POLN: variants seen among roughly 807,000 people sequenced by gnomAD.
POLN encodes DNA polymerase nu.
A neutral mutation model predicts 113.5 loss-of-function variants in POLN; 108 were observed. The ratio of observed to expected loss-of-function variants is 0.95; its 90% CI spans 0.81 to 1.12. The LOEUF is 1.12. Ranked by LOEUF, POLN falls within the 50% of genes most tolerant of loss-of-function variation. POLN has a pLI of 0.00. For missense variants in POLN, 1,097 were observed against 1,077.1 expected (o/e 1.02, Z -0.26); for synonymous variants, 386 against 391.5 (o/e 0.99, Z 0.17).
intron 19 of POLN, among the ~76,000 whole-genome samples, chr4:2,117,661 G>A (rs889701966): frequency 6.6e-6 from 1 of 152,182 alleles, no homozygotes; most frequent in African/African-American, 2.4e-5. Flanking sequence ...AGCAGTCACC[G>A]GCCCATGGCA....
At chr4:2,232,162 T>A in intron 2 of POLN, 1 of 1,364,340 alleles carries the variant, frequency 7.3e-7, no homozygotes, top group Non-Finnish European at 1.0e-6. Context: ...TGTTAACTCC[T>A]AAAAAAGGAA....
At chr4:2,152,252 G>A (rs1732314692) in intron 16 of POLN, among the ~76,000 whole-genome samples, 1 of 151,350 alleles carries the variant, frequency 6.6e-6, no homozygotes, top group East Asian at 1.9e-4. Context: ...TGTCCAGCCT[G>A]GTCTCGAACT....
At chr4:2,081,105 C>A (rs201334698) in intron 22 of POLN, 69 bp from the exon 23 acceptor site, 1 of 1,610,402 alleles carries the variant, frequency 6.2e-7, no homozygotes, top group East Asian at 2.2e-5. Flanking sequence ...GCATTCTGCA[C>A]CATCGCCACA....
At chr4:2,133,074 G>A (rs35292768) in intron 16 of POLN, among the ~76,000 whole-genome samples, 122 of 151,680 alleles carry the variant, frequency 8.0e-4, no homozygotes, top group African/African-American at 2.9e-3. Flanking sequence ...GGGAACCCAA[G>A]GCAGGAGGAT....
chr4:2,147,825 T>C (rs1732186773), intron 16 of POLN, among the ~76,000 whole-genome samples: 1 of 152,008 alleles, frequency 6.6e-6, no homozygotes, highest in Non-Finnish European at 1.5e-5. Context: ...GAATTTTTAG[T>C]AGAAGTGTGG....
At chr4:2,238,568 GA>G (rs1179160678) in intron 2 of POLN, 30 of 1,361,978 alleles carry the variant, frequency 2.2e-5, no homozygotes, top group Non-Finnish European at 2.9e-5. Context: ...AAAACAAAAG[GA>G]AATATTTACT....
intron 3 of POLN, chr4:2,227,784 A>G (rs1647007586): frequency 6.6e-6 from 1 of 152,308 alleles, no homozygotes; most frequent in African/African-American, 2.4e-5. Context: ...TAAATTTTTC[A>G]TCAGAGCCTC....
intron 13 of POLN, among the ~76,000 whole-genome samples, chr4:2,161,298 C>T (rs1202440952): frequency 6.6e-6 from 1 of 152,188 alleles, no homozygotes; most frequent in African/African-American, 2.4e-5. Flanking sequence ...ACCGGGGCTG[C>T]GCGGGGCGCT....
chr4:2,080,126 T>A, intron 23 of POLN: 1 of 985,434 alleles, frequency 1.0e-6, no homozygotes, highest in Non-Finnish European at 1.2e-6. Flanking sequence ...CTGGGGCAGG[T>A]TAGCTCCCAG....
At chr4:2,082,187 C>T (rs1308821118) in intron 21 of POLN, among the ~76,000 whole-genome samples, 1 of 152,056 alleles carries the variant, frequency 6.6e-6, no homozygotes, top group Non-Finnish European at 1.5e-5. Context: ...AACTCCTGAC[C>T]TCAGGTGATC....
chr4:2,153,737 C>T (rs1732351270), intron 16 of POLN, among the ~76,000 whole-genome samples: 1 of 151,764 alleles, frequency 6.6e-6, no homozygotes, highest in African/African-American at 2.4e-5. Context: ...CGCCCACTAC[C>T]ACGCCCGGCT....
At position 2,236,499 on chromosome 4, in the gene POLN, C is replaced by A. The variant is rs1309705156; in HGVS notation, c.-13+5021G>T. ...AAATTATAGGGAAAAATTATCAAGTCAGTATCATTTTCAAAATTACAATCC... is the reference window on the plus strand; with the variant it reads ...AAATTATAGGGAAAAATTATCAAGTAAGTATCATTTTCAAAATTACAATCC... On this transcript the variant is annotated intron_variant, in intron 2 of 25. Coordinates refer to ENST00000511885, the MANE Select transcript of POLN (RefSeq NM_181808.4). 3.6e-6 allele frequency: 5 copies of A among 1,375,880 alleles called. No homozygotes were observed. The African/African-American group carries it at 4.3e-5, about 12-fold the overall frequency. 85.2% of individuals were successfully genotyped at this position (1,375,880 alleles called of 1,614,324 possible).
At chr4:2,212,866 C>T (rs1004865275) in intron 4 of POLN, among the ~76,000 whole-genome samples, 181 bp downstream of exon 4, 2 of 151,942 alleles carry the variant, frequency 1.3e-5, no homozygotes, top group African/African-American at 4.8e-5. Context: ...TCTCTCATGG[C>T]ACCTACTTGC....
At chr4:2,129,899 G>C (rs1264104248) in intron 17 of POLN, among the ~76,000 whole-genome samples, 2 of 152,050 alleles carry the variant, frequency 1.3e-5, no homozygotes, top group African/African-American at 4.8e-5. Flanking sequence ...AGGGGATGAA[G>C]CTGCTCAGGA....
chr4:2,082,608 C>T (rs564383990), intron 21 of POLN: 2 of 152,228 alleles, frequency 1.3e-5, no homozygotes, highest in Non-Finnish European at 1.5e-5. Flanking sequence ...AAATCCTCCA[C>T]TTGTGACTGA....
intron 2 of POLN, chr4:2,240,627 T>C: frequency 6.2e-7 from 1 of 1,613,686 alleles, no homozygotes; most frequent in African/African-American, 1.3e-5. Context: ...CAGTAGAGTT[T>C]GAACCTCATC....
rs137901170 is a variant in POLN at position 2,146,368 on chromosome 4, C to T, written c.1731+10420G>A. 5.4e-3 allele frequency among the ~76,000 whole-genome samples: 825 copies of T among 152,146 alleles called. 12 individuals carry two copies. The highest frequency in any genetic ancestry group is 5.3e-3 in the Non-Finnish European group (357 of 67,990). The stretch of plus-strand genomic sequence containing the variant: ...TAAAAATACAAAAAAATTAGCCAGG[C>T]GTGGTGGCACGCACCTGTAATCCCA... On this transcript the variant is annotated intron_variant, in intron 16 of 25. Coordinates refer to ENST00000511885, the MANE Select transcript of POLN (RefSeq NM_181808.4).
At chr4:2,196,050 C>G (rs1315121679) in intron 6 of POLN, among the ~76,000 whole-genome samples, 1 of 152,156 alleles carries the variant, frequency 6.6e-6, no homozygotes, top group Non-Finnish European at 1.5e-5. Flanking sequence ...CCAATTGCAT[C>G]ACTAAGGGAA....
At chr4:2,214,868 TAC>T (rs35812508) in intron 3 of POLN, among the ~76,000 whole-genome samples, 2 of 150,498 alleles carry the variant, frequency 1.3e-5, no homozygotes, top group Non-Finnish European at 3.0e-5. Flanking sequence ...TTTATATATA[TAC>T]ACACACACAT....
Sources: gnomAD v4.1 joint callset for allele counts (sites outside exome capture counted in the v4.1 genomes callset) on GRCh38, gnomAD v4.1.1 for gene constraint, MANE v1.5 for transcripts, NCBI Gene and HGNC (gene_info 2026-07-23, HGNC 2026-07-21) for gene names.